PTK2B: variants seen among roughly 807,000 people sequenced by gnomAD.
The protein encoded by PTK2B is protein tyrosine kinase 2 beta, also known as protein-tyrosine kinase 2-beta.
Under a neutral mutation model 142.9 loss-of-function variants are expected in PTK2B, and 71 were observed. That is an observed-to-expected ratio of 0.50 (90% CI 0.41 to 0.61). The LOEUF is 0.61. PTK2B is among the 20% of genes least tolerant of loss of function. The pLI is 0.00. For synonymous variants in PTK2B, 519 were observed against 503.4 expected (o/e 1.03, Z -0.42); for missense variants, 1,105 against 1,320.4 (o/e 0.84, Z 2.53).
intron 3 of PTK2B, among the ~76,000 whole-genome samples, chr8:27,314,346 T>C (rs997478422): frequency 6.6e-6 from 1 of 152,132 alleles, no homozygotes; most frequent in Non-Finnish European, 1.5e-5. Flanking sequence ...CCCCAGCACT[T>C]TGGGAGGTCG....
At chr8:27,393,326 A>C (rs1328552180) in intron 1 of PTK2B, among the ~76,000 whole-genome samples, 2 of 152,228 alleles carry the variant, frequency 1.3e-5, no homozygotes, top group Non-Finnish European at 2.9e-5. Context: ...AAAGGGCTAA[A>C]GGGAGAACTG....
intron 1 of PTK2B, among the ~76,000 whole-genome samples, chr8:27,380,390 G>A (rs1199173432): frequency 6.6e-6 from 1 of 152,076 alleles, no homozygotes; most frequent in Non-Finnish European, 1.5e-5. Context: ...GTTGTGCCAG[G>A]GGAGACTTGC....
intron 1 of PTK2B, among the ~76,000 whole-genome samples, chr8:27,333,973 T>C (rs1013830331): frequency 6.6e-6 from 1 of 151,824 alleles, no homozygotes; most frequent in African/African-American, 2.4e-5. Context: ...CCAAACCATC[T>C]CTCCTCCTGG....
At chr8:27,338,357 A>G (rs1339774835) in intron 1 of PTK2B, among the ~76,000 whole-genome samples, 1 of 152,118 alleles carries the variant, frequency 6.6e-6, no homozygotes, top group Non-Finnish European at 1.5e-5. Context: ...ATGCAAAGGC[A>G]TAAGAATTAT....
At chr8:27,456,833 A>G (rs547146338) in intron 30 of PTK2B, among the ~76,000 whole-genome samples, 1 of 152,344 alleles carries the variant, frequency 6.6e-6, no homozygotes, top group South Asian at 2.1e-4. Context: ...TGGTCTGGAT[A>G]GAAGATCAAG....
intron 30 of PTK2B, among the ~76,000 whole-genome samples, chr8:27,455,750 T>C (rs925803292): frequency 6.6e-6 from 1 of 152,232 alleles, no homozygotes; most frequent in Non-Finnish European, 1.5e-5. Flanking sequence ...CACTTCAGAC[T>C]TTTGCCCTTC....
At chr8:27,314,497 A>G (rs1443955712) in intron 3 of PTK2B, among the ~76,000 whole-genome samples, 1 of 152,370 alleles carries the variant, frequency 6.6e-6, no homozygotes, top group East Asian at 1.9e-4. Context: ...GGCAGGGAAC[A>G]TAAGGCCAAT....
At chr8:27,443,464 C>A (rs1811283553) in intron 22 of PTK2B, among the ~76,000 whole-genome samples, 1 of 152,202 alleles carries the variant, frequency 6.6e-6, no homozygotes, top group Non-Finnish European at 1.5e-5. Context: ...GCTTAAACAG[C>A]AGATGTTTAT....
chr8:27,334,426 G>T (rs1452114693), intron 1 of PTK2B, among the ~76,000 whole-genome samples: 1 of 152,098 alleles, frequency 6.6e-6, no homozygotes, highest in African/African-American at 2.4e-5. Flanking sequence ...TGGAATGCCA[G>T]CCCCATGCAC....
chr8:27,401,675 A>G (rs1808394415), intron 2 of PTK2B, among the ~76,000 whole-genome samples: 1 of 152,230 alleles, frequency 6.6e-6, no homozygotes, highest in South Asian at 2.1e-4. Context: ...TTTGGTTTTC[A>G]TTCCATCTCT....
chr8:27,351,018 T>A (rs183630104), intron 1 of PTK2B, among the ~76,000 whole-genome samples: 5,007 of 51,412 alleles, frequency 0.097, 1,530 homozygotes, highest in Middle Eastern at 0.18. Context: ...TATATATATA[T>A]ATATATATAT....
chr8:27,398,311 G>A (rs139536104), intron 2 of PTK2B, among the ~76,000 whole-genome samples: 11 of 152,300 alleles, frequency 7.2e-5, no homozygotes, highest in Admixed American at 5.9e-4. Context: ...CTGGCAACAC[G>A]TCCTTTTGCT....
chr8:27,344,078 G>T (rs1266584125), intron 1 of PTK2B, among the ~76,000 whole-genome samples: 2 of 152,052 alleles, frequency 1.3e-5, no homozygotes, highest in Non-Finnish European at 2.9e-5. Context: ...AATGCACTAA[G>T]TTTGGAGAAA....
At chr8:27,391,548 G>A (rs1217831729) in intron 1 of PTK2B, among the ~76,000 whole-genome samples, 1 of 152,180 alleles carries the variant, frequency 6.6e-6, no homozygotes, top group Non-Finnish European at 1.5e-5. Flanking sequence ...CAAGAGTTAA[G>A]TTTTCCTGTG....
At chr8:27,359,792 C>T (rs755435495) in intron 1 of PTK2B, among the ~76,000 whole-genome samples, 10 of 152,248 alleles carry the variant, frequency 6.6e-5, no homozygotes, top group Non-Finnish European at 1.5e-4. Flanking sequence ...GGTCAAGCTT[C>T]TTCATGCCCA....
At chr8:27,445,070 G>A (rs981754363) in intron 23 of PTK2B, among the ~76,000 whole-genome samples, 1 of 152,142 alleles carries the variant, frequency 6.6e-6, no homozygotes, top group Non-Finnish European at 1.5e-5. Flanking sequence ...ATACCCATGT[G>A]CAATATTTAA....
rs532128998 is a variant in PTK2B at position 27,371,093 on chromosome 8, G to A, written c.-37-26455G>A. Among the ~76,000 whole-genome samples the A allele has an allele frequency of 3.9e-5, 6 of 152,158 alleles. No homozygotes were observed. The East Asian group carries it at 9.7e-4, about 24-fold the overall frequency. On this transcript the variant is annotated intron_variant, in intron 1 of 30. Transcript: ENST00000346049. ...ATATTTTTAGTAGAGACCAGGTTTT[G>A]CTATGTTGGCCAGTTGGTCTCAAAC...
intron 2 of PTK2B, among the ~76,000 whole-genome samples, chr8:27,403,769 G>GCTCCTC (rs768732085): frequency 9.0e-6 from 1 of 111,262 alleles, no homozygotes; most frequent in Admixed American, 9.0e-5. Context: ...TGCTGCTGCT[G>GCTCCTC]CTCCTCCTCC....
intron 2 of PTK2B, among the ~76,000 whole-genome samples, chr8:27,412,271 ACT>A (rs1236511625): frequency 6.6e-6 from 1 of 151,818 alleles, no homozygotes; most frequent in Non-Finnish European, 1.5e-5. Context: ...CAAAGCTTCA[ACT>A]CTCTGATTAC....
Sources: allele counts gnomAD v4.1 joint callset (sites outside exome capture counted in the v4.1 genomes callset), GRCh38; gene constraint gnomAD v4.1.1; transcripts MANE v1.5; gene names NCBI Gene and HGNC (gene_info 2026-07-23, HGNC 2026-07-21).